The following DDAH1 variants were observed in gnomAD, a reference collection of about 807,000 sequenced individuals.
DDAH1 encodes the protein dimethylarginine dimethylaminohydrolase 1.
In DDAH1, 19 loss-of-function variants were observed where a neutral mutation model predicts 28.8. The observed-to-expected ratio is 0.66, with a 90% confidence interval of 0.46 to 0.97. DDAH1 has a LOEUF of 0.97. Among genes scored for constraint, DDAH1 ranks in the 50% least tolerant of loss-of-function variants. The pLI, the probability that DDAH1 is intolerant of heterozygous loss-of-function variation, is 0.00. For synonymous variants in DDAH1, 153 were observed against 154.4 expected, an observed-to-expected ratio of 0.99 and a Z score of 0.07; for missense variants, 326 against 375.9, an observed-to-expected ratio of 0.87 and a Z score of 1.10.
At chr1:85,363,866 G>C (rs1186801766) in intron 1 of DDAH1, among the ~76,000 whole-genome samples, 1 of 147,080 alleles carries the variant, frequency 6.8e-6, no homozygotes, top group African/African-American at 2.5e-5. Flanking sequence ...TTTGTCATGT[G>C]AATAACATCT....
At chr1:85,500,825 T>A (rs1328885582) in intron 1 of DDAH1, among the ~76,000 whole-genome samples, 1 of 152,038 alleles carries the variant, frequency 6.6e-6, no homozygotes, top group East Asian at 1.9e-4. Context: ...TCACTATTTT[T>A]TTTTCTTCTA....
At chr1:85,398,199 A>G (rs1181730805) in intron 1 of DDAH1, among the ~76,000 whole-genome samples, 1 of 152,166 alleles carries the variant, frequency 6.6e-6, no homozygotes, top group African/African-American at 2.4e-5. Context: ...GAGGTTTTTA[A>G]AAGTATAATC....
chr1:85,482,426 A>G (rs1474432568), intron 2 of DDAH1: 1 of 152,204 alleles, frequency 6.6e-6, no homozygotes, highest in Admixed American at 6.5e-5. Context: ...TTCCAATTAA[A>G]AAACAAAACT....
intron 1 of DDAH1, among the ~76,000 whole-genome samples, chr1:85,373,357 C>G (rs1019003780): frequency 1.3e-5 from 2 of 152,032 alleles, no homozygotes; most frequent in Non-Finnish European, 2.9e-5. Context: ...TGTTCCCAAC[C>G]AAATCTCATC....
intron 1 of DDAH1, among the ~76,000 whole-genome samples, chr1:85,408,595 C>G (rs970196659): frequency 6.6e-6 from 1 of 152,144 alleles, no homozygotes; most frequent in African/African-American, 2.4e-5. Context: ...AAAAGTATGT[C>G]ACAGTGTTAG....
intron 1 of DDAH1, among the ~76,000 whole-genome samples, chr1:85,462,671 A>C (rs531180608): frequency 1.3e-5 from 2 of 152,268 alleles, no homozygotes; most frequent in South Asian, 4.1e-4. Flanking sequence ...GTGCCGTGAG[A>C]GATTTCTACA....
chr1:85,419,207 T>A (rs1192615909), intron 1 of DDAH1, among the ~76,000 whole-genome samples: 1 of 152,080 alleles, frequency 6.6e-6, no homozygotes, highest in Non-Finnish European at 1.5e-5. Context: ...CCTGGAATTG[T>A]GCGATGAAGT....
At chr1:85,539,113 A>C (rs568823062) in intron 1 of DDAH1, among the ~76,000 whole-genome samples, 1 of 152,060 alleles carries the variant, frequency 6.6e-6, no homozygotes, top group Admixed American at 6.6e-5. Flanking sequence ...TCTCTTTCTC[A>C]GAATGAAGTT....
At chr1:85,434,902 G>C (rs1653863869) in intron 1 of DDAH1, among the ~76,000 whole-genome samples, 1 of 151,764 alleles carries the variant, frequency 6.6e-6, no homozygotes, top group South Asian at 2.1e-4. Context: ...TAATATGAAA[G>C]AGTATTAAAT....
chr1:85,321,611 T>C lies in DDAH1; in HGVS notation c.742-43A>G, dbSNP rs780593730. On this transcript the variant is annotated intron_variant, in intron 5 of 5. Coordinates refer to ENST00000284031, the MANE Select transcript of DDAH1 (RefSeq NM_012137.4). Reference sequence around the variant, plus strand: ...GAAAAGGAAGAAAAGAAGGATTATGTTTTACCATCCTCAGAAGTGGAGAAT... The same window carrying C: ...GAAAAGGAAGAAAAGAAGGATTATGCTTTACCATCCTCAGAAGTGGAGAAT... 7 of 1,414,048 alleles carry C rather than the reference T, an allele frequency of 5.0e-6. No homozygotes were observed. The African/African-American group carries it at 7.1e-5, about 14-fold the overall frequency. 87.6% of individuals were successfully genotyped at this position (1,414,048 alleles called of 1,614,324 possible). A position where few individuals can be genotyped will look rare whatever the true frequency, so the allele number is the denominator to read the frequency against.
chr1:85,496,682 T>A (rs112516646), intron 1 of DDAH1, among the ~76,000 whole-genome samples: 1 of 152,246 alleles, frequency 6.6e-6, no homozygotes, highest in East Asian at 1.9e-4. Flanking sequence ...AGACTCACAA[T>A]GATGTACAGC....
At chr1:85,500,091 TTCCC>T (rs903975347) in intron 1 of DDAH1, among the ~76,000 whole-genome samples, 1 of 151,420 alleles carries the variant, frequency 6.6e-6, no homozygotes, top group African/African-American at 2.4e-5. Context: ...CCTTCCTTCC[TTCCC>T]TCCTTCCTCT....
rs1374218622 is a variant in DDAH1 at position 85,321,374 on chromosome 1, G to A, written c.*78C>T. On this transcript the variant is annotated 3_prime_UTR_variant, in exon 6 of 6. Coordinates refer to ENST00000284031, the MANE Select transcript of DDAH1 (RefSeq NM_012137.4). ...GCACAGTGGCACAGTAGATTGTCAAGGAAAACAACAGGAGTGGGCACAGAG... is the reference window on the plus strand; with the variant it reads ...GCACAGTGGCACAGTAGATTGTCAAAGAAAACAACAGGAGTGGGCACAGAG... 3 of 912,620 alleles carry A rather than the reference G, an allele frequency of 3.3e-6. No individual in the cohort carries two copies. Among genetic ancestry groups the A allele is most frequent in the African/African-American group, 3.3e-5 (2 of 60,868 alleles). The allele number at this position is 912,620 out of a possible 1,614,324, so 56.5% of individuals were successfully genotyped here.
rs561483681 is a variant in DDAH1, at chr1:85,442,873, G to C, written c.303+21870C>G. Among the ~76,000 whole-genome samples the C allele has an allele frequency of 7.2e-5, 11 of 152,254 alleles. No individual in the cohort carries two copies. The East Asian group carries it at 2.1e-3, about 29-fold the overall frequency. On this transcript the variant is annotated intron_variant, in intron 1 of 5. Coordinates refer to ENST00000284031, the MANE Select transcript of DDAH1 (RefSeq NM_012137.4). ...TATCCTTTGCCCACTTTTTGATGGG[G>C]TTGATTTTTTTCTTGTAAATTTGTT...
intron 1 of DDAH1, among the ~76,000 whole-genome samples, chr1:85,503,011 G>A (rs1442933505): frequency 2.0e-5 from 3 of 151,882 alleles, no homozygotes; most frequent in Non-Finnish European, 4.4e-5. Flanking sequence ...CATTGAACAC[G>A]GACTCAGTAA....
chr1:85,363,821 C>T (rs934173850), intron 1 of DDAH1, among the ~76,000 whole-genome samples: 6 of 151,738 alleles, frequency 4.0e-5, no homozygotes. Flanking sequence ...GATTTTATGA[C>T]ATTGCTTAAT....
chr1:85,413,846 T>C lies in DDAH1; in HGVS notation c.303+50897A>G, dbSNP rs74414546. On this transcript the variant is annotated intron_variant, in intron 1 of 5. Transcript: ENST00000284031. ...GAAGAAGACAAAAACAGTAACTGAATGTATGAATTTCTTAAGTCTTTGGGT... is the reference window on the plus strand; with the variant it reads ...GAAGAAGACAAAAACAGTAACTGAACGTATGAATTTCTTAAGTCTTTGGGT... Among the ~76,000 whole-genome samples the C allele has an allele frequency of 2.0e-3, 308 of 152,352 alleles. 11 individuals are homozygous for C. The East Asian group carries it at 0.054, about 27-fold the overall frequency.
intron 1 of DDAH1, among the ~76,000 whole-genome samples, chr1:85,504,050 G>A (rs1047887700): frequency 6.6e-6 from 1 of 152,198 alleles, no homozygotes; most frequent in Non-Finnish European, 1.5e-5. Context: ...AGACTGGCAT[G>A]CTGTGATGAT....
chr1:85,354,070 T>C (rs1649369194), intron 2 of DDAH1, among the ~76,000 whole-genome samples: 1 of 152,194 alleles, frequency 6.6e-6, no homozygotes, highest in Non-Finnish European at 1.5e-5. Flanking sequence ...ATAATCTTCC[T>C]GATGGAAACA....
Sources: allele counts gnomAD v4.1 joint callset (sites outside exome capture counted in the v4.1 genomes callset), GRCh38; gene constraint gnomAD v4.1.1; transcripts MANE v1.5; gene names NCBI Gene and HGNC (gene_info 2026-07-23, HGNC 2026-07-21).